The following UGT1A5 variants were observed in gnomAD, a reference collection of about 807,000 sequenced individuals.
UGT1A5 encodes the protein UDP-glucuronosyltransferase 1A5.
In UGT1A5, 29 loss-of-function variants were observed where a neutral mutation model predicts 40.3. The observed-to-expected ratio is 0.72, with a 90% CI of 0.54 to 0.98. The LOEUF (loss-of-function observed/expected upper bound fraction) is 0.98. Ranked by LOEUF, UGT1A5 falls within the 50% of genes least tolerant of loss-of-function variation. The probability of loss-of-function intolerance (pLI) is 0.00; values close to 1 mark genes in which losing one functional copy is unlikely to be tolerated. For missense variants in UGT1A5, 678 were observed against 677.9 expected (o/e 1.00, Z 0.00); for synonymous variants, 257 against 262.5 (o/e 0.98, Z 0.20).
intron 1 of UGT1A5, among the ~76,000 whole-genome samples, chr2:233,722,881 G>T (rs2077046984): frequency 7.8e-5 from 9 of 115,512 alleles, no homozygotes; most frequent in Admixed American, 2.8e-4. Context: ...TAAATTTATT[G>T]CTCATTAAGT....
In UGT1A5 at chr2:233,769,879, A is replaced by C; in HGVS notation, c.1307+1440A>C. 5 of 413,904 alleles carry C rather than the reference A, an allele frequency of 1.2e-5. No individual in the cohort carries two copies. The highest frequency in any genetic ancestry group is 4.6e-5 in the East Asian group (1 of 21,696). 25.6% of individuals were successfully genotyped at this position (413,904 alleles called of 1,614,324 possible). ...TCTCAAAAAAAAAAAAAAAAATGAA[A>C]AGTCCACATAACCTGAGCATCATGT... On this transcript the variant is annotated intron_variant, in intron 4 of 4. Coordinates refer to ENST00000373414, the MANE Select transcript of UGT1A5 (RefSeq NM_019078.2). The surrounding 1 kb of genome is among the most constrained non-coding windows in gnomAD (Gnocchi z 4.4).
chr2:233,767,788 G>C (rs527533927), intron 2 of UGT1A5, 61 bp from the exon 3 acceptor site: 33 of 1,613,882 alleles, frequency 2.0e-5, no homozygotes, highest in East Asian at 4.5e-5. Flanking sequence ...TAGTATAGCA[G>C]ATTTGTTTTC....
At chr2:233,756,537 A>T (rs1326089003) in intron 1 of UGT1A5, among the ~76,000 whole-genome samples, 8 of 152,122 alleles carry the variant, frequency 5.3e-5, no homozygotes, top group Non-Finnish European at 1.2e-4. Context: ...ACTTTTCTTG[A>T]CTGCTAAAAC....
At chr2:233,730,044 A>T (rs2361501) in intron 1 of UGT1A5, 750,246 of 1,611,504 alleles carry the variant, frequency 0.47, 182,645 homozygotes, top group African/African-American at 0.81. Flanking sequence ...AACACTTTTT[A>T]AAAAAATGTA....
At chr2:233,733,708 A>C (rs1332027237) in intron 1 of UGT1A5, among the ~76,000 whole-genome samples, 1 of 152,236 alleles carries the variant, frequency 6.6e-6, no homozygotes, top group Middle Eastern at 3.2e-3. Flanking sequence ...TTTGGTTTGC[A>C]GAATTTTACT....
intron 1 of UGT1A5, chr2:233,719,355 G>GAT (rs1195086069): frequency 6.2e-7 from 1 of 1,613,794 alleles, no homozygotes; most frequent in Non-Finnish European, 8.5e-7. Context: ...CATTCCATGT[G>GAT]ACTTAGACTT....
At position 233,757,353 on chromosome 2, in the gene UGT1A5, G is replaced by A. The variant is rs373045458; in HGVS notation, c.868-9681G>A. The stretch of plus-strand genomic sequence containing the variant: ...GGGACCATGACAGCTGGGTCTGAGA[G>A]ACAGTGGTAGAAACATCCAGATTCA... On this transcript the variant is annotated intron_variant, in intron 1 of 4. Transcript: ENST00000373414. Among the ~76,000 whole-genome samples, 3 of 151,254 alleles carry A rather than the reference G, an allele frequency of 2.0e-5. No homozygotes were observed. The East Asian group carries it at 5.9e-4, about 30-fold the overall frequency.
intron 1 of UGT1A5, among the ~76,000 whole-genome samples, chr2:233,745,061 T>C (rs115414076): frequency 0.034 from 5,145 of 151,980 alleles, 165 homozygotes; most frequent in African/African-American, 0.052. Context: ...TTATTTGTAT[T>C]ATTTGTATTG....
chr2:233,717,175 A>G (rs113530832), intron 1 of UGT1A5, among the ~76,000 whole-genome samples: 4 of 152,334 alleles, frequency 2.6e-5, no homozygotes, highest in African/African-American at 7.2e-5. Flanking sequence ...GAATGTGGCA[A>G]GAGCACCCTC....
chr2:233,738,766 T>G (rs1690890490), intron 1 of UGT1A5, among the ~76,000 whole-genome samples: 1 of 152,128 alleles, frequency 6.6e-6, no homozygotes, highest in Non-Finnish European at 1.5e-5. Context: ...AAAACCCATT[T>G]TATGGGGAGA....
chr2:233,755,381 T>A (rs759849144), intron 1 of UGT1A5: 1 of 348,720 alleles, frequency 2.9e-6, no homozygotes, highest in Non-Finnish European at 5.6e-6. Flanking sequence ...GGCCGCCCCT[T>A]ATGACGCAGC....
chr2:233,718,727 A>T, intron 1 of UGT1A5: 1 of 1,610,864 alleles, frequency 6.2e-7, no homozygotes, highest in Non-Finnish European at 8.5e-7. Flanking sequence ...CTGATTTGCT[A>T]GGTGGCTCAA....
At chr2:233,763,944 G>T (rs1331783792) in intron 1 of UGT1A5, among the ~76,000 whole-genome samples, 1 of 152,182 alleles carries the variant, frequency 6.6e-6, no homozygotes, top group South Asian at 2.1e-4. Flanking sequence ...AGGAAAGCTT[G>T]GGAGCAGGGA....
Position 233,772,431 on chromosome 2 carries a change from A to G in UGT1A5, c.1477A>G (p.Ile493Val), listed in dbSNP as rs2126066962. The G allele has an allele frequency of 4.3e-6, 7 of 1,614,128 alleles. No individual in the cohort carries two copies. The East Asian group carries it at 1.6e-4, about 36-fold the overall frequency. The change falls in exon 5 of 5, where the codon ATT (isoleucine) becomes GTT (valine). Residue 493 changes from isoleucine (I) to valine (V), a missense_variant. By Grantham distance (29) the Ile-to-Val change is conservative (BLOSUM62 3). Coordinates refer to ENST00000373414, the MANE Select transcript of UGT1A5 (RefSeq NM_019078.2). ...TWYQYHSLDV[I>V]GFLLAVVLTV... ...GTACCAGTACCATTCCTTGGACGTG[A>G]TTGGTTTCCTCTTGGCCGTCGTGCT...
At chr2:233,738,521 G>C (rs1382621592) in intron 1 of UGT1A5, among the ~76,000 whole-genome samples, 2 of 152,174 alleles carry the variant, frequency 1.3e-5, no homozygotes, top group African/African-American at 2.4e-5. Context: ...TAATGTTGTG[G>C]ACAATGAAGT....
Position 233,747,571 on chromosome 2 carries a change from C to A in UGT1A5, c.868-19463C>A, listed in dbSNP as rs1265322590. The A allele has an allele frequency of 7.6e-6, 12 of 1,588,364 alleles. No individual in the cohort carries two copies. In the African/African-American group the frequency reaches 1.4e-4, roughly 18 times the overall value. ...AAAAGTATGGCAATTTTGAAAAATT[C>A]ATCTTTGGTCTTTCATAGGTCTTGT... On this transcript the variant is annotated intron_variant, in intron 1 of 4. Coordinates refer to ENST00000373414, the MANE Select transcript of UGT1A5 (RefSeq NM_019078.2).
At chr2:233,767,242 A>G in intron 2 of UGT1A5, 77 bp downstream of exon 2, 1 of 1,606,336 alleles carries the variant, frequency 6.2e-7, no homozygotes, top group African/African-American at 1.3e-5. Context: ...TTCCAGATTA[A>G]TTCTCTTAAT....
chr2:233,715,223 G>C (rs1337084443), intron 1 of UGT1A5, among the ~76,000 whole-genome samples: 1 of 152,008 alleles, frequency 6.6e-6, no homozygotes, highest in Non-Finnish European at 1.5e-5. Flanking sequence ...TACTGAATCT[G>C]CCCAATTCTG....
chr2:233,770,111 G>A (rs1335443900), intron 4 of UGT1A5: 1 of 152,202 alleles, frequency 6.6e-6, no homozygotes, highest in Non-Finnish European at 1.5e-5. Flanking sequence ...TGTAACCTAA[G>A]AACAACTTGG....
Sources: allele counts gnomAD v4.1 joint callset (sites outside exome capture counted in the v4.1 genomes callset), GRCh38; gene constraint gnomAD v4.1.1; non-coding constraint Gnocchi (gnomAD v3.1); transcripts MANE v1.5; gene names NCBI Gene and HGNC (gene_info 2026-07-23, HGNC 2026-07-21).